CDK6: variants seen among roughly 807,000 people sequenced by gnomAD.
The protein encoded by CDK6 is cyclin dependent kinase 6, also known as cyclin-dependent kinase 6.
Under a neutral mutation model 37.1 loss-of-function variants are expected in CDK6, and 6 were observed. That is an observed-to-expected ratio of 0.16 (90% CI 0.09 to 0.32). The LOEUF is 0.32. CDK6 is among the 10% of genes least tolerant of loss of function. CDK6 has a pLI of 1.00. For missense variants in CDK6, 224 were observed against 418.9 expected (o/e 0.53, Z 4.06); for synonymous variants, 160 against 161.3 (o/e 0.99, Z 0.06).
At chr7:92,773,554 G>C (rs1164408218) in intron 3 of CDK6, among the ~76,000 whole-genome samples, 1 of 152,166 alleles carries the variant, frequency 6.6e-6, no homozygotes, top group Non-Finnish European at 1.5e-5. Flanking sequence ...AGAGGAAAGA[G>C]GGGTGCACAG....
At chr7:92,805,082 T>G (rs1031075578) in intron 2 of CDK6, among the ~76,000 whole-genome samples, 2 of 152,238 alleles carry the variant, frequency 1.3e-5, no homozygotes, top group Admixed American at 1.3e-4. Context: ...GCCTTCTCTC[T>G]TGATTCAAAG....
intron 3 of CDK6, among the ~76,000 whole-genome samples, chr7:92,770,221 T>C (rs1259499605): frequency 1.3e-5 from 2 of 151,890 alleles, no homozygotes; most frequent in African/African-American, 4.8e-5. Context: ...AATGTCATTG[T>C]CAACCAAGAA....
At chr7:92,638,777 C>G (rs1406843714) in intron 5 of CDK6, among the ~76,000 whole-genome samples, 1 of 152,088 alleles carries the variant, frequency 6.6e-6, no homozygotes. Flanking sequence ...GTCTTTTGAC[C>G]CCCCCAGAGT....
At chr7:92,836,052 T>A (rs1373287276) in intron 1 of CDK6, among the ~76,000 whole-genome samples, 1 of 152,162 alleles carries the variant, frequency 6.6e-6, no homozygotes, top group Non-Finnish European at 1.5e-5. Context: ...AAGCACATTC[T>A]CCAGCATGGA....
Position 92,672,242 on chromosome 7 carries a change from C to CATAT in CDK6, c.538-711_538-708dup, listed in dbSNP as rs1554401747. On this transcript the variant is annotated intron_variant, in intron 4 of 7. Transcript: ENST00000424848. ...ACACACACACACACACACACACACA[C>CATAT]ATATATGAAGATGGTGCCAGGGCTG... Among the ~76,000 whole-genome samples, 54 of 116,590 alleles carry CATAT rather than the reference C, an allele frequency of 4.6e-4. 3 individuals carry two copies. In the East Asian group the frequency reaches 0.011, roughly 23 times the overall value. The allele number at this position is 116,590 out of a possible 152,430, so 76.5% of individuals were successfully genotyped here. A position where few individuals can be genotyped will look rare whatever the true frequency, so the allele number is the denominator to read the frequency against.
chr7:92,808,984 C>T (rs1355694483), intron 2 of CDK6, among the ~76,000 whole-genome samples: 1 of 151,982 alleles, frequency 6.6e-6, no homozygotes, highest in Admixed American at 6.6e-5. Context: ...TATTTAGAGG[C>T]CTCTGTAAAG....
chr7:92,672,200 C>CAG (rs1797100351), intron 4 of CDK6, among the ~76,000 whole-genome samples: 1 of 121,796 alleles, frequency 8.2e-6, no homozygotes, highest in Non-Finnish European at 1.7e-5. Flanking sequence ...TACACACACA[C>CAG]ACACACACAC....
chr7:92,731,260 C>G (rs1485655144), intron 3 of CDK6, among the ~76,000 whole-genome samples: 1 of 152,184 alleles, frequency 6.6e-6, no homozygotes, highest in Non-Finnish European at 1.5e-5. Context: ...TCACTGTGGT[C>G]CTCAGGAGGA....
At chr7:92,785,043 A>G (rs1481347804) in intron 2 of CDK6, among the ~76,000 whole-genome samples, 1 of 152,210 alleles carries the variant, frequency 6.6e-6, no homozygotes. Context: ...GAAGAAATAG[A>G]CACAAATGTT....
At chr7:92,747,819 G>A (rs1397743051) in intron 3 of CDK6, among the ~76,000 whole-genome samples, 5 of 152,112 alleles carry the variant, frequency 3.3e-5, no homozygotes, top group Non-Finnish European at 7.3e-5. Flanking sequence ...ACATGCTGCT[G>A]CACAAGGACT....
chr7:92,731,433 CAT>C (rs1487856568), intron 3 of CDK6, among the ~76,000 whole-genome samples: 1 of 152,194 alleles, frequency 6.6e-6, no homozygotes, highest in Non-Finnish European at 1.5e-5. Context: ...AAGAGTCACA[CAT>C]GAGCTTTGTT....
intron 3 of CDK6, among the ~76,000 whole-genome samples, chr7:92,762,660 C>T (rs1022806978): frequency 1.3e-5 from 2 of 151,790 alleles, no homozygotes; most frequent in South Asian, 2.1e-4. Flanking sequence ...CTCTGCCTCC[C>T]GGATTCAAGC....
At chr7:92,623,162 T>C (rs1425200394) in intron 5 of CDK6, 76 bp from the exon 6 acceptor site, 7 of 1,016,710 alleles carry the variant, frequency 6.9e-6, no homozygotes, top group Non-Finnish European at 1.0e-5. Flanking sequence ...ATTATCATTG[T>C]TTCACAGGAA....
At chr7:92,672,134 C>CATATACATAT (rs1554401673) in intron 4 of CDK6, among the ~76,000 whole-genome samples, 4 of 65,408 alleles carry the variant, frequency 6.1e-5, no homozygotes, top group African/African-American at 2.8e-4. Flanking sequence ...AAAAGCTGTA[C>CATATACATAT]ATATATATAT....
chr7:92,636,184 A>G (rs1344898268), intron 5 of CDK6, among the ~76,000 whole-genome samples: 2 of 152,026 alleles, frequency 1.3e-5, no homozygotes, highest in African/African-American at 4.8e-5. Context: ...CCTCCTGAGT[A>G]GCTGGGACCA....
At chr7:92,655,367 G>A (rs1478191245) in intron 5 of CDK6, among the ~76,000 whole-genome samples, 2 of 152,118 alleles carry the variant, frequency 1.3e-5, no homozygotes, top group Non-Finnish European at 2.9e-5. Context: ...TGTAAAAAAG[G>A]TACTAGGTTA....
rs1801659882 is a variant in CDK6, at chr7:92,835,978, G to C, written c.-368+500C>G. 6.6e-6 allele frequency among the ~76,000 whole-genome samples: 1 copy of C among 152,222 alleles called. No individual in the cohort carries two copies. On this transcript the variant is annotated intron_variant, in intron 1 of 7. Coordinates refer to ENST00000424848, the MANE Select transcript of CDK6 (RefSeq NM_001145306.2). The surrounding 1 kb of genome is among the most constrained non-coding windows in gnomAD (Gnocchi z 4.2). ...CTGCGTTAACATTTATCTCGTGGAG[G>C]GGAAGGTGGAGCCCACACCCACACC...
chr7:92,794,891 A>ATAAAG (rs3731287), intron 2 of CDK6, among the ~76,000 whole-genome samples: 28,704 of 151,892 alleles, frequency 0.19, 3,824 homozygotes, highest in African/African-American at 0.38. Flanking sequence ...AGGTGTGATA[A>ATAAAG]TAAAGATGTT....
intron 5 of CDK6, among the ~76,000 whole-genome samples, chr7:92,650,809 A>G (rs572351600): frequency 6.6e-6 from 1 of 152,228 alleles, no homozygotes; most frequent in Admixed American, 6.5e-5. Context: ...GCTACGTCTC[A>G]GAGCCAGCAA....
Sources: gnomAD v4.1 joint callset for allele counts (sites outside exome capture counted in the v4.1 genomes callset) on GRCh38, gnomAD v4.1.1 for gene constraint, Gnocchi (gnomAD v3.1) non-coding constraint, MANE v1.5 for transcripts, NCBI Gene and HGNC (gene_info 2026-07-23, HGNC 2026-07-21) for gene names.